Variants in LRRTM4 observed in about 807,000 individuals in gnomAD.
LRRTM4 encodes the protein leucine-rich repeat transmembrane neuronal protein 4.
A neutral mutation model predicts 47.6 loss-of-function variants in LRRTM4; 25 were observed. The observed-to-expected ratio is 0.53, with a 90% CI of 0.38 to 0.73. The LOEUF (loss-of-function observed/expected upper bound fraction) is 0.73, where lower values mean the gene tolerates loss of function less well. Among genes scored for constraint, LRRTM4 ranks in the 30% least tolerant of loss-of-function variants. The pLI, the probability that LRRTM4 is intolerant of heterozygous loss-of-function variation, is 0.00. For missense variants in LRRTM4, 638 were observed against 713.4 expected, an observed-to-expected ratio of 0.89 and a Z score of 1.20; for synonymous variants, 311 against 269.5, an observed-to-expected ratio of 1.15 and a Z score of -1.51.
Position 77,067,720 on chromosome 2 carries a change from CAT to C in LRRTM4, c.1552-318806_1552-318805del, listed in dbSNP as rs201899409. Among the ~76,000 whole-genome samples the C allele has an allele frequency of 2.1e-4, 31 of 150,184 alleles. No homozygotes were observed. In the South Asian group the frequency reaches 4.2e-3, roughly 21 times the overall value. ...ACACACACACACACACACACACATA[CAT>C]ATTTCAGGAAAAATGAAGAAAACGG... On this transcript the variant is annotated intron_variant, in intron 3 of 3. Coordinates refer to ENST00000409884, the MANE Select transcript of LRRTM4 (RefSeq NM_001134745.3).
chr2:76,873,506 G>GTGTATATATATATA (rs367573475), intron 3 of LRRTM4, among the ~76,000 whole-genome samples: 1,485 of 112,216 alleles, frequency 0.013, 26 homozygotes, highest in East Asian at 0.053. Context: ...ATATATGTGT[G>GTGTATATATATATA]TATATATATA....
intron 3 of LRRTM4, among the ~76,000 whole-genome samples, chr2:76,813,770 AG>A (rs1189735137): frequency 6.6e-6 from 1 of 152,132 alleles, no homozygotes; most frequent in Non-Finnish European, 1.5e-5. Context: ...TTTTAAGAAT[AG>A]TTTTAGATTC....
At chr2:77,296,456 G>T (rs1558674599) in intron 3 of LRRTM4, among the ~76,000 whole-genome samples, 3 of 151,914 alleles carry the variant, frequency 2.0e-5, no homozygotes. Flanking sequence ...TTTTTCTTGG[G>T]TTTTTGGTAT....
At chr2:76,858,732 A>G (rs1207994590) in intron 3 of LRRTM4, among the ~76,000 whole-genome samples, 2 of 152,228 alleles carry the variant, frequency 1.3e-5, no homozygotes, top group Admixed American at 1.3e-4. Flanking sequence ...GGAAGATTGT[A>G]CTAGCCAGAG....
chr2:76,795,187 G>A (rs1030034990), intron 3 of LRRTM4, among the ~76,000 whole-genome samples: 5 of 152,016 alleles, frequency 3.3e-5, no homozygotes, highest in Non-Finnish European at 5.9e-5. Flanking sequence ...AGAAAAAGGT[G>A]CCCGAATCCA....
intron 3 of LRRTM4, among the ~76,000 whole-genome samples, chr2:76,991,039 G>A (rs932772073): frequency 6.6e-6 from 1 of 151,708 alleles, no homozygotes; most frequent in Admixed American, 6.6e-5. Context: ...ACTTGCTCAT[G>A]AATGACTTTT....
At chr2:76,780,013 A>G (rs545212393) in intron 3 of LRRTM4, among the ~76,000 whole-genome samples, 179 of 151,908 alleles carry the variant, frequency 1.2e-3, no homozygotes, top group African/African-American at 4.2e-3. Flanking sequence ...TTTCTCCTTC[A>G]CTTATGAAGC....
At chr2:77,407,674 TATA>T (rs1463958443) in intron 3 of LRRTM4, among the ~76,000 whole-genome samples, 145 of 125,910 alleles carry the variant, frequency 1.2e-3, no homozygotes, top group Non-Finnish European at 2.1e-3. Context: ...ATAATAATTA[TATA>T]ATATTTAATA....
intron 3 of LRRTM4, among the ~76,000 whole-genome samples, chr2:77,193,361 A>G (rs2103883421): frequency 6.6e-6 from 1 of 152,342 alleles, no homozygotes. Context: ...AATTATCTAA[A>G]TATAGCTAAC....
rs569279645 is a variant in LRRTM4, at chr2:77,238,434, C to T, written c.1551+279884G>A. Among the ~76,000 whole-genome samples, 154 of 151,968 alleles carry T rather than the reference C, an allele frequency of 1.0e-3. 1 individual carries two copies. The highest frequency in any genetic ancestry group is 1.3e-3 in the Non-Finnish European group (86 of 67,934). ...AGAGGGGACACCTCAAAGAAACATACCACCTCAAAGACACAGGCATACCGT... is the reference window on the plus strand; with the variant it reads ...AGAGGGGACACCTCAAAGAAACATATCACCTCAAAGACACAGGCATACCGT... On this transcript the variant is annotated intron_variant, in intron 3 of 3. Transcript: ENST00000409884.
intron 3 of LRRTM4, among the ~76,000 whole-genome samples, chr2:77,071,071 C>T (rs1381589984): frequency 6.6e-6 from 1 of 152,050 alleles, no homozygotes; most frequent in Non-Finnish European, 1.5e-5. Flanking sequence ...ATCACACATC[C>T]TTTGGGAATA....
chr2:77,010,118 T>C (rs1326107078), intron 3 of LRRTM4, among the ~76,000 whole-genome samples: 1 of 151,404 alleles, frequency 6.6e-6, no homozygotes, highest in Non-Finnish European at 1.5e-5. Flanking sequence ...CATTATCTCA[T>C]AGAAGTATCT....
intron 3 of LRRTM4, among the ~76,000 whole-genome samples, chr2:77,005,863 A>C (rs2104043305): frequency 6.6e-6 from 1 of 152,270 alleles, no homozygotes; most frequent in South Asian, 2.1e-4. Flanking sequence ...AGTATTCTAA[A>C]CACTTCACAA....
At chr2:77,472,304 T>C (rs935992835) in intron 3 of LRRTM4, among the ~76,000 whole-genome samples, 1 of 152,036 alleles carries the variant, frequency 6.6e-6, no homozygotes, top group Non-Finnish European at 1.5e-5. Context: ...TCAAAGTTAG[T>C]GAATCAACAA....
At chr2:77,139,740 C>T (rs931649013) in intron 3 of LRRTM4, among the ~76,000 whole-genome samples, 3 of 152,052 alleles carry the variant, frequency 2.0e-5, no homozygotes, top group African/African-American at 7.2e-5. Context: ...GTCTCAGCCC[C>T]AAATCTCCTT....
chr2:77,435,067 G>C (rs913329831), intron 3 of LRRTM4, among the ~76,000 whole-genome samples: 2 of 151,826 alleles, frequency 1.3e-5, no homozygotes, highest in Non-Finnish European at 2.9e-5. Context: ...AACATGCCTA[G>C]CCTCCCTCTG....
intron 3 of LRRTM4, among the ~76,000 whole-genome samples, chr2:77,276,440 AAAG>A (rs1232441226): frequency 2.7e-5 from 4 of 150,530 alleles, no homozygotes; most frequent in Non-Finnish European, 5.9e-5. Flanking sequence ...AAGGAAGAAA[AAAG>A]AAAGGAAAGA....
At chr2:77,140,683 C>T (rs1672095674) in intron 3 of LRRTM4, among the ~76,000 whole-genome samples, 2 of 152,172 alleles carry the variant, frequency 1.3e-5, no homozygotes, top group South Asian at 4.1e-4. Flanking sequence ...TCACAGTGAA[C>T]AGGCAACCTA....
At chr2:76,982,245 A>G (rs1237514973) in intron 3 of LRRTM4, among the ~76,000 whole-genome samples, 1 of 152,008 alleles carries the variant, frequency 6.6e-6, no homozygotes, top group Non-Finnish European at 1.5e-5. Context: ...AAAGTAAGAA[A>G]CCCTCAGCAG....
Sources: gnomAD v4.1 joint callset for allele counts (sites outside exome capture counted in the v4.1 genomes callset) on GRCh38, gnomAD v4.1.1 for gene constraint, MANE v1.5 for transcripts, NCBI Gene and HGNC (gene_info 2026-07-23, HGNC 2026-07-21) for gene names.